Variants in DIP2A observed in about 807,000 individuals in gnomAD.
The protein encoded by DIP2A is disco-interacting protein 2 homolog A.
DIP2A carries 85 observed loss-of-function variants against 177.4 expected under a neutral mutation model. The observed-to-expected ratio is 0.48, with a 90% CI of 0.40 to 0.57. The LOEUF (loss-of-function observed/expected upper bound fraction) is 0.57, where lower values mean the gene tolerates loss of function less well. Ranked by LOEUF, DIP2A falls within the 20% of genes least tolerant of loss-of-function variation. The probability of loss-of-function intolerance (pLI) is 0.00; values close to 1 mark genes in which losing one functional copy is unlikely to be tolerated. For synonymous variants in DIP2A, 886 were observed against 881.8 expected (o/e 1.00, Z -0.08); for missense variants, 1,791 against 2,100.2 (o/e 0.85, Z 2.88).
intron 3 of DIP2A, 75 bp downstream of exon 3, chr21:46,490,794 G>A: frequency 3.4e-6 from 5 of 1,454,668 alleles, no homozygotes; most frequent in Non-Finnish European, 4.5e-6. Context: ...AAGTCTTCCA[G>A]TTATTTTTCC....
At chr21:46,512,788 A>C (rs1343135157) in intron 8 of DIP2A, among the ~76,000 whole-genome samples, 1 of 149,050 alleles carries the variant, frequency 6.7e-6, no homozygotes, top group African/African-American at 2.5e-5. Flanking sequence ...ACATCACCAC[A>C]CCCAGCTAAT....
At chr21:46,522,826 T>A (rs1321533712) in intron 8 of DIP2A, among the ~76,000 whole-genome samples, 2 of 152,232 alleles carry the variant, frequency 1.3e-5, no homozygotes, top group Non-Finnish European at 2.9e-5. Flanking sequence ...CTGTGGCTCC[T>A]CCTCTGTTTC....
chr21:46,546,623 C>T (rs576605346), intron 20 of DIP2A, among the ~76,000 whole-genome samples: 12 of 152,190 alleles, frequency 7.9e-5, no homozygotes, highest in South Asian at 2.1e-4. Flanking sequence ...CCCATGCTGA[C>T]GCTGCCCCAG....
chr21:46,496,142 C>G (rs1223726116), intron 3 of DIP2A, among the ~76,000 whole-genome samples: 1 of 151,970 alleles, frequency 6.6e-6, no homozygotes, highest in East Asian at 1.9e-4. Flanking sequence ...CTCAAACGAT[C>G]CTCCTGCCTC....
chr21:46,536,577 GAGA>G (rs894521033), intron 13 of DIP2A, among the ~76,000 whole-genome samples: 4 of 152,178 alleles, frequency 2.6e-5, no homozygotes, highest in Admixed American at 6.5e-5. Flanking sequence ...TCTTGATTCT[GAGA>G]AGAATACCCA....
chr21:46,533,845 G>A (rs370618473), intron 11 of DIP2A, among the ~76,000 whole-genome samples, 159 bp from the exon 12 acceptor site: 1 of 152,306 alleles, frequency 6.6e-6, no homozygotes, highest in African/African-American at 2.4e-5. Context: ...GCCACTGGCC[G>A]GATGTACCTT....
rs766676762 is a variant in DIP2A, at chr21:46,567,403, G to C, written c.4497G>C (p.Val1499=). 1.2e-6 allele frequency: 2 copies of C among 1,613,902 alleles called. No individual in the cohort carries two copies. The highest frequency in any genetic ancestry group is 1.1e-5 in the South Asian group (1 of 91,072). ...AVFTWTNLLV[V]VVELDGLEQD... is the part of the protein sequence containing the mutation. ...TCACCTGGACCAACCTGCTGGTGGT[G>C]GTGGTGGAGCTGGATGGGCTAGAGC... is the stretch of plus-strand genomic sequence containing the variant. The change falls in exon 38 of 38, where the codon GTG becomes GTC. Residue 1499 remains valine, a synonymous_variant. Coordinates refer to ENST00000417564, the MANE Select transcript of DIP2A (RefSeq NM_015151.4).
chr21:46,520,544 A>G (rs1457068495), intron 8 of DIP2A, among the ~76,000 whole-genome samples: 1 of 152,236 alleles, frequency 6.6e-6, no homozygotes, highest in Non-Finnish European at 1.5e-5. Context: ...CCTGCATTCA[A>G]AAACACCTGT....
rs1256908446 is a variant in DIP2A, at chr21:46,537,987, G to T, written c.1801+448G>T. 6.6e-6 allele frequency among the ~76,000 whole-genome samples: 1 copy of T among 152,176 alleles called. No homozygotes were observed. The highest frequency in any genetic ancestry group is 2.4e-5 in the African/African-American group (1 of 41,452). On this transcript the variant is annotated intron_variant, in intron 15 of 37. Coordinates refer to ENST00000417564, the MANE Select transcript of DIP2A (RefSeq NM_015151.4). This position sits in a 1 kb window ranked among gnomAD's most constrained non-coding sequence, Gnocchi z 4.1. ...GCCCCTCTAGACATGTCTCAGAGCAGTGTGGAGGGGCAGCTCTCTCTGTCT... is the reference window on the plus strand; with the variant it reads ...GCCCCTCTAGACATGTCTCAGAGCATTGTGGAGGGGCAGCTCTCTCTGTCT...
Position 46,547,004 on chromosome 21 carries a change from A to C in DIP2A, c.2484A>C (p.Ala828=), listed in dbSNP as rs772502121. The C allele has an allele frequency of 6.2e-7, 1 of 1,613,960 alleles. No individual in the cohort carries two copies. Among genetic ancestry groups the C allele is most frequent in the Admixed American group, 1.7e-5 (1 of 60,018 alleles). Residue 828 remains alanine, a synonymous_variant, in exon 21 of 38, where the codon GCA becomes GCC. Transcript: ENST00000417564. The stretch of plus-strand genomic sequence containing the variant: ...ATGCAGATGACGTTGTGGCCACCGC[A>C]CTGGCCGTGGAGCCCATGAAGTTTG... The part of the protein sequence containing the change: ...RHNADDVVAT[A]LAVEPMKFVY...
chr21:46,500,609 T>G (rs2057598018), intron 5 of DIP2A, among the ~76,000 whole-genome samples: 1 of 152,200 alleles, frequency 6.6e-6, no homozygotes. Flanking sequence ...AACAAAACAT[T>G]TGTAGTTTGA....
At chr21:46,565,314 T>C (rs1351585120) in intron 35 of DIP2A, among the ~76,000 whole-genome samples, 3 of 152,258 alleles carry the variant, frequency 2.0e-5, no homozygotes, top group Non-Finnish European at 4.4e-5. Context: ...ACTGTGAGTC[T>C]GAGCAGCTGC....
At chr21:46,465,313 A>G (rs111904865) in intron 1 of DIP2A, among the ~76,000 whole-genome samples, 21,146 of 152,046 alleles carry the variant, frequency 0.14, 1,657 homozygotes, top group Non-Finnish European at 0.17. Context: ...CACTCCTGTA[A>G]TCCCAACACT....
chr21:46,484,082 A>G (rs2056532514), intron 1 of DIP2A, among the ~76,000 whole-genome samples: 1 of 152,082 alleles, frequency 6.6e-6, no homozygotes, highest in Non-Finnish European at 1.5e-5. Flanking sequence ...TCCCAAGGAC[A>G]CCCCTTGGCC....
At chr21:46,550,178 T>C (rs2060219366) in intron 22 of DIP2A, 2 of 794,578 alleles carry the variant, frequency 2.5e-6, no homozygotes, top group Admixed American at 3.3e-5. Context: ...TTTTGAAATG[T>C]ACATTATTAT....
chr21:46,478,854 G>A (rs1304348324), intron 1 of DIP2A, among the ~76,000 whole-genome samples: 1 of 151,758 alleles, frequency 6.6e-6, no homozygotes, highest in Non-Finnish European at 1.5e-5. Context: ...GTTTCTCATG[G>A]ATTTTAGTCA....
chr21:46,480,020 C>A (rs956403862), intron 1 of DIP2A, among the ~76,000 whole-genome samples: 7 of 151,704 alleles, frequency 4.6e-5, no homozygotes, highest in Non-Finnish European at 1.0e-4. Flanking sequence ...ATTTTCCTCA[C>A]CTTTTGTTCT....
chr21:46,553,489 G>A (rs1443580666), intron 25 of DIP2A: 3 of 152,350 alleles, frequency 2.0e-5, no homozygotes, highest in Non-Finnish European at 4.4e-5. Context: ...CCTTGAACTG[G>A]TCACATAGCC....
chr21:46,573,360 A>G (rs2060978846), downstream of DIP2A, among the ~76,000 whole-genome samples: 1 of 152,056 alleles, frequency 6.6e-6, no homozygotes, highest in Non-Finnish European at 1.5e-5. Flanking sequence ...TGAGAGTGAC[A>G]GGATGGAAAA....
Sources: gnomAD v4.1 joint callset for allele counts (sites outside exome capture counted in the v4.1 genomes callset) on GRCh38, gnomAD v4.1.1 for gene constraint, Gnocchi (gnomAD v3.1) non-coding constraint, MANE v1.5 for transcripts, NCBI Gene and HGNC (gene_info 2026-07-23, HGNC 2026-07-21) for gene names.